Variants in CNTRL observed in about 807,000 individuals in gnomAD.
The protein encoded by CNTRL is centriolin.
CNTRL carries 233 observed loss-of-function variants against 303.7 expected under a neutral mutation model. That is an observed-to-expected ratio of 0.77 (90% CI 0.69 to 0.86). The LOEUF (loss-of-function observed/expected upper bound fraction) is 0.86, where lower values mean the gene tolerates loss of function less well. Ranked by LOEUF, CNTRL falls within the 40% of genes least tolerant of loss-of-function variation. The pLI, the probability that CNTRL is intolerant of heterozygous loss-of-function variation, is 0.00. For missense variants in CNTRL, 2,524 were observed against 2,650.6 expected, an observed-to-expected ratio of 0.95 and a Z score of 1.05; for synonymous variants, 900 against 922.2, an observed-to-expected ratio of 0.98 and a Z score of 0.44.
chr9:121,085,403 T>C (rs2048307131), intron 2 of CNTRL, among the ~76,000 whole-genome samples: 1 of 152,176 alleles, frequency 6.6e-6, no homozygotes, highest in African/African-American at 2.4e-5. Flanking sequence ...GTATGATACA[T>C]TGCAATAAAA....
chr9:121,081,523 C>T, intron 2 of CNTRL, among the ~76,000 whole-genome samples: 1 of 152,320 alleles, frequency 6.6e-6, no homozygotes, highest in East Asian at 1.9e-4. Context: ...ATACTTCTGA[C>T]CACCAAGCTA....
chr9:121,160,982 AC>A (rs1197817672), intron 32 of CNTRL, among the ~76,000 whole-genome samples: 1 of 152,128 alleles, frequency 6.6e-6, no homozygotes, highest in Non-Finnish European at 1.5e-5. Flanking sequence ...CTGTTCCACC[AC>A]ACCCCCCAAA....
At chr9:121,108,029 T>C (rs866435361) in intron 8 of CNTRL, 34 bp downstream of exon 8, 3 of 1,437,284 alleles carry the variant, frequency 2.1e-6, no homozygotes, top group South Asian at 1.4e-5. Flanking sequence ...TTGGCTGTAT[T>C]CTCATAAGAC....
At chr9:121,117,573 A>G (rs2050035203) in intron 11 of CNTRL, among the ~76,000 whole-genome samples, 1 of 151,818 alleles carries the variant, frequency 6.6e-6, no homozygotes, top group South Asian at 2.1e-4. Context: ...GCTTCCACAA[A>G]CTCCTAGTAT....
intron 27 of CNTRL, 164 bp downstream of exon 27, chr9:121,155,077 A>G (rs10818512): frequency 0.72 from 454,301 of 628,214 alleles, 167,564 homozygotes; most frequent in East Asian, 0.96. Context: ...GTGAGAATTT[A>G]TGCAAGTCAT....
chr9:121,171,531 A>G lies in CNTRL; in HGVS notation c.6400A>G (p.Thr2134Ala), dbSNP rs758051143. ...KELNQMQYEY[T>A]ELKKQMANQK... ...GCTCAACCAGATGCAGTATGAGTAC[A>G]CGGAGCTCAAGAAACAGGTGTGTGC... Residue 2134 changes from threonine to alanine, a missense_variant, in exon 40 of 44, where the codon ACG becomes GCG. Thr to Ala is a moderately conservative substitution (Grantham distance 58). Coordinates refer to ENST00000373855, the MANE Select transcript of CNTRL (RefSeq NM_007018.6). 1 of 1,613,762 alleles carries G rather than the reference A, an allele frequency of 6.2e-7. No individual in the cohort carries two copies. The highest frequency in any genetic ancestry group is 8.5e-7 in the Non-Finnish European group (1 of 1,179,802).
intron 34 of CNTRL, among the ~76,000 whole-genome samples, chr9:121,162,649 C>T (rs2052908437): frequency 6.6e-6 from 1 of 152,118 alleles, no homozygotes; most frequent in Non-Finnish European, 1.5e-5. Flanking sequence ...AATTGACAAG[C>T]TGGTTCTAAA....
At chr9:121,101,297 A>G (rs1350540731) in intron 7 of CNTRL, among the ~76,000 whole-genome samples, 1 of 152,232 alleles carries the variant, frequency 6.6e-6, no homozygotes, top group African/African-American at 2.4e-5. Context: ...CTCTTGAATG[A>G]CTACTGGGTA....
intron 14 of CNTRL, among the ~76,000 whole-genome samples, chr9:121,127,270 T>C (rs984993404): frequency 6.6e-6 from 1 of 152,216 alleles, no homozygotes; most frequent in African/African-American, 2.4e-5. Flanking sequence ...TCCAGTGTTA[T>C]GCTATTGCAA....
intron 15 of CNTRL, 27 bp from the exon 16 acceptor site, chr9:121,138,518 T>G: frequency 6.2e-7 from 1 of 1,605,860 alleles, no homozygotes; most frequent in Non-Finnish European, 8.5e-7. Context: ...TTTTACACTT[T>G]CATGTCATTG....
rs200247383 is a variant in CNTRL, at chr9:121,151,384, C to CTTTTTTTTTTTTTTTTTT, written c.3963+903_3963+904insTTTTTTTTTTTTTTTTTT. On this transcript the variant is annotated intron_variant, in intron 25 of 43. Coordinates refer to ENST00000373855, the MANE Select transcript of CNTRL (RefSeq NM_007018.6). ...GATTACTTCCTTTTTCTTTTTTCTTCTTCTTTTTTTTTTTTTTTTTTTTTG... is the reference window on the plus strand; with the variant it reads ...GATTACTTCCTTTTTCTTTTTTCTTCTTTTTTTTTTTTTTTTTTTTCTTTTTTTTTTTTTTTTTTTTTG... 6.9e-4 allele frequency among the ~76,000 whole-genome samples: 63 copies of CTTTTTTTTTTTTTTTTTT among 91,492 alleles called. 4 individuals carry two copies. Among genetic ancestry groups the CTTTTTTTTTTTTTTTTTT allele is most frequent in the East Asian group, 1.4e-3 (3 of 2,216 alleles). 60.0% of individuals were successfully genotyped at this position (91,492 alleles called of 152,430 possible).
intron 26 of CNTRL, among the ~76,000 whole-genome samples, chr9:121,154,365 G>T (rs1053916864): frequency 4.6e-5 from 7 of 152,308 alleles, no homozygotes; most frequent in Middle Eastern, 6.8e-3. Flanking sequence ...ATAGTTTTGA[G>T]GGAATGGATG....
chr9:121,106,564 C>T (rs549323821), intron 7 of CNTRL, among the ~76,000 whole-genome samples: 19 of 151,816 alleles, frequency 1.3e-4, no homozygotes, highest in African/African-American at 4.1e-4. Context: ...GGGTCATTTT[C>T]TTAATTAAAG....
intron 12 of CNTRL, among the ~76,000 whole-genome samples, chr9:121,120,646 A>G (rs1375762551): frequency 1.3e-5 from 2 of 152,172 alleles, no homozygotes; most frequent in Admixed American, 6.5e-5. Context: ...TCTGTGATCT[A>G]TGAGTCTAAT....
chr9:121,084,674 A>T (rs1333819473), intron 2 of CNTRL, among the ~76,000 whole-genome samples: 1 of 151,696 alleles, frequency 6.6e-6, no homozygotes, highest in East Asian at 1.9e-4. Flanking sequence ...CCTCCTGAGC[A>T]CCTGGGATTC....
chr9:121,135,997 G>A lies in CNTRL; in HGVS notation c.2202+15G>A. On this transcript the variant is annotated intron_variant, in intron 15 of 43. Coordinates refer to ENST00000373855, the MANE Select transcript of CNTRL (RefSeq NM_007018.6). The stretch of plus-strand genomic sequence containing the variant: ...GACTTACCCAGGTAAGTAGGAGCAT[G>A]AAGCCAACTGCAAACTAAGGACCCT... 7 of 1,576,368 alleles carry A rather than the reference G, an allele frequency of 4.4e-6. No homozygotes were observed. Among genetic ancestry groups the A allele is most frequent in the Non-Finnish European group, 5.2e-6 (6 of 1,156,046 alleles).
rs750530029 is a variant in CNTRL, at chr9:121,123,956, G to A, written c.1676G>A (p.Gly559Asp). 1 of 1,604,908 alleles carries A rather than the reference G, an allele frequency of 6.2e-7. No individual in the cohort carries two copies. Among genetic ancestry groups the A allele is most frequent in the East Asian group, 2.2e-5 (1 of 44,510 alleles). Residue 559 changes from glycine (G) to aspartate (D), a missense_variant, in exon 13 of 44, where the codon GGT becomes GAT. By Grantham distance (94) the Gly-to-Asp change is moderately conservative. Transcript: ENST00000373855. ...TCCCATATGAAGGCTCAAAAGAGCG[G>A]TAAAGAACAACAGCTTGACATTATG... ...KHSHMKAQKS[G>D]KEQQLDIMNK...
intron 8 of CNTRL, among the ~76,000 whole-genome samples, chr9:121,108,952 G>A (rs1344262888): frequency 6.6e-6 from 1 of 152,006 alleles, no homozygotes; most frequent in East Asian, 1.9e-4. Flanking sequence ...ATTACATAAT[G>A]TATATATAAT....
At chr9:121,167,775 GGGAC>G in intron 37 of CNTRL, 98 bp downstream of exon 37, 1 of 1,063,282 alleles carries the variant, frequency 9.4e-7, no homozygotes, top group Non-Finnish European at 1.4e-6. Flanking sequence ...TATCCCCAAT[GGGAC>G]TATGTGTCCC....
Sources: gnomAD v4.1 joint callset for allele counts (sites outside exome capture counted in the v4.1 genomes callset) on GRCh38, gnomAD v4.1.1 for gene constraint, MANE v1.5 for transcripts, NCBI Gene and HGNC (gene_info 2026-07-23, HGNC 2026-07-21) for gene names.